FMN2: variants seen among roughly 807,000 people sequenced by gnomAD.
FMN2 encodes the protein formin-2.
FMN2 carries 51 observed loss-of-function variants against 142.3 expected under a neutral mutation model. The observed-to-expected ratio is 0.36, with a 90% CI of 0.29 to 0.45. The LOEUF is 0.45. Among genes scored for constraint, FMN2 ranks in the 20% least tolerant of loss-of-function variants. The pLI is 1.00. For missense variants in FMN2, 1,936 were observed against 2,122.8 expected, an observed-to-expected ratio of 0.91 and a Z score of 1.73; for synonymous variants, 882 against 869.8, an observed-to-expected ratio of 1.01 and a Z score of -0.25.
At chr1:240,186,224 T>C (rs1665442762) in intron 3 of FMN2, among the ~76,000 whole-genome samples, 1 of 152,202 alleles carries the variant, frequency 6.6e-6, no homozygotes, top group South Asian at 2.1e-4. Context: ...TTACTCTCTC[T>C]TTCTCTGCCC....
Position 240,438,193 on chromosome 1 carries a change from ACTT to A in FMN2, c.5049_5051del (p.Leu1684del), listed in dbSNP as rs1675467416. On this transcript the variant is annotated inframe_deletion, in exon 16 of 18. Coordinates refer to ENST00000319653, the MANE Select transcript of FMN2 (RefSeq NM_020066.5). ...AAGACTTCTGGAAGAAAGAGAACAA[ACTT>A]CTTCTACAAGAGAGGTAGGTATTTT... is the stretch of plus-strand genomic sequence containing the variant. 6.2e-7 allele frequency: 1 copy of A among 1,612,926 alleles called. No homozygotes were observed. The highest frequency in any genetic ancestry group is 8.5e-7 in the Non-Finnish European group (1 of 1,179,750).
chr1:240,174,581 G>A (rs1664839971), intron 2 of FMN2, among the ~76,000 whole-genome samples: 1 of 151,920 alleles, frequency 6.6e-6, no homozygotes, highest in Admixed American at 6.6e-5. Flanking sequence ...GCCCAGGCTG[G>A]TCTTGAGCTC....
chr1:240,290,264 ACAGGC>A (rs1669734154), intron 7 of FMN2, among the ~76,000 whole-genome samples: 1 of 152,318 alleles, frequency 6.6e-6, no homozygotes, highest in South Asian at 2.1e-4. Flanking sequence ...GACTTCCAAA[ACAGGC>A]CATTTCATTT....
intron 2 of FMN2, among the ~76,000 whole-genome samples, chr1:240,149,868 C>T (rs923255758): frequency 2.0e-5 from 3 of 151,852 alleles, no homozygotes; most frequent in Admixed American, 6.6e-5. Flanking sequence ...TAGAGAGTAG[C>T]GAAAGCTTTA....
intron 2 of FMN2, among the ~76,000 whole-genome samples, chr1:240,163,722 CTATTT>C (rs979307246): frequency 4.5e-4 from 68 of 151,980 alleles, no homozygotes; most frequent in African/African-American, 1.6e-3. Context: ...ATTTAAAGTA[CTATTT>C]TATTGTATAT....
intron 8 of FMN2, among the ~76,000 whole-genome samples, chr1:240,324,884 TA>T (rs1194241390): frequency 6.6e-6 from 1 of 152,162 alleles, no homozygotes; most frequent in Non-Finnish European, 1.5e-5. Flanking sequence ...TGCATGTCTG[TA>T]ATTTGTTGGG....
chr1:240,125,586 C>T (rs1662463398), intron 2 of FMN2, among the ~76,000 whole-genome samples: 1 of 152,198 alleles, frequency 6.6e-6, no homozygotes, highest in Admixed American at 6.5e-5. Flanking sequence ...CCATGTCTAG[C>T]ACTTGCTTTT....
At chr1:240,468,622 C>T (rs1047380699) in intron 16 of FMN2, among the ~76,000 whole-genome samples, 3 of 152,186 alleles carry the variant, frequency 2.0e-5, no homozygotes, top group Non-Finnish European at 2.9e-5. Context: ...GTTATCTCCA[C>T]CATGCCTTTT....
chr1:240,294,692 C>T, intron 7 of FMN2, 130 bp from the exon 8 acceptor site: 1 of 754,740 alleles, frequency 1.3e-6, no homozygotes, highest in African/African-American at 1.7e-5. Context: ...GCAGTGGGGG[C>T]AAGGGGAAAC....
intron 8 of FMN2, among the ~76,000 whole-genome samples, chr1:240,304,496 A>G (rs1436112347): frequency 1.3e-5 from 2 of 152,120 alleles, no homozygotes. Context: ...CGATATATAT[A>G]CAGTTGCTTT....
At chr1:240,421,116 G>A (rs1674747920) in intron 15 of FMN2, among the ~76,000 whole-genome samples, 1 of 152,138 alleles carries the variant, frequency 6.6e-6, no homozygotes, top group Non-Finnish European at 1.5e-5. Flanking sequence ...ACTTGTATCA[G>A]TATTCTTGCA....
At chr1:240,322,670 G>T (rs1671013906) in intron 8 of FMN2, among the ~76,000 whole-genome samples, 2 of 152,158 alleles carry the variant, frequency 1.3e-5, no homozygotes, top group Admixed American at 1.3e-4. Context: ...AAGTGACTGA[G>T]CATGTATACG....
intron 14 of FMN2, among the ~76,000 whole-genome samples, chr1:240,365,124 T>A (rs1228983384): frequency 6.6e-6 from 1 of 152,034 alleles, no homozygotes; most frequent in Non-Finnish European, 1.5e-5. Flanking sequence ...TGGATAAGCA[T>A]GTATGTGCAT....
chr1:240,111,096 G>A (rs1202926671), intron 1 of FMN2, among the ~76,000 whole-genome samples: 4 of 152,088 alleles, frequency 2.6e-5, no homozygotes, highest in Non-Finnish European at 5.9e-5. Flanking sequence ...CATTTATTGG[G>A]TACTGTTAAG....
At chr1:240,235,985 G>C (rs1331502358) in intron 6 of FMN2, 1 of 152,132 alleles carries the variant, frequency 6.6e-6, no homozygotes, top group Non-Finnish European at 1.5e-5. Context: ...CATGTCTATT[G>C]TATCATGTGT....
intron 6 of FMN2, among the ~76,000 whole-genome samples, chr1:240,251,608 A>G (rs1668280446): frequency 6.6e-6 from 1 of 152,188 alleles, no homozygotes; most frequent in Non-Finnish European, 1.5e-5. Flanking sequence ...TTCAGTTTAA[A>G]TCCTAGATTT....
intron 7 of FMN2, among the ~76,000 whole-genome samples, chr1:240,261,563 A>G (rs116672203): frequency 0.048 from 7,269 of 152,174 alleles, 273 homozygotes; most frequent in Non-Finnish European, 0.067. Flanking sequence ...TTAGTGTGTA[A>G]GGTTTGGATT....
At chr1:240,357,336 G>C (rs1423435037) in intron 14 of FMN2, among the ~76,000 whole-genome samples, 1 of 152,052 alleles carries the variant, frequency 6.6e-6, no homozygotes, top group African/African-American at 2.4e-5. Flanking sequence ...ATAATATTTT[G>C]AATCTGCAAT....
chr1:240,209,550 G>T (rs1156880359), intron 5 of FMN2, among the ~76,000 whole-genome samples: 3 of 150,342 alleles, frequency 2.0e-5, no homozygotes. Context: ...CACCGGGCAC[G>T]GCCGCAAATC....
Sources: allele counts gnomAD v4.1 joint callset (sites outside exome capture counted in the v4.1 genomes callset), GRCh38; gene constraint gnomAD v4.1.1; transcripts MANE v1.5; gene names NCBI Gene and HGNC (gene_info 2026-07-23, HGNC 2026-07-21).